The following C12orf42 variants were observed in gnomAD, a reference collection of about 807,000 sequenced individuals.
C12orf42 encodes the protein chromosome 12 open reading frame 42, also known as uncharacterized protein C12orf42.
Under a neutral mutation model 21.6 loss-of-function variants are expected in C12orf42, and 25 were observed. The ratio of observed to expected loss-of-function variants is 1.16; its 90% CI spans 0.84 to 1.62. The LOEUF is 1.62. C12orf42 is among the 40% of genes most tolerant of loss of function. C12orf42 has a pLI of 0.00. For synonymous variants in C12orf42, 174 were observed against 175.0 expected, an observed-to-expected ratio of 0.99 and a Z score of 0.05; for missense variants, 483 against 459.3, an observed-to-expected ratio of 1.05 and a Z score of -0.47.
downstream of C12orf42, among the ~76,000 whole-genome samples, chr12:103,264,243 G>A (rs966981155): frequency 1.4e-5 from 2 of 139,914 alleles, no homozygotes; most frequent in African/African-American, 6.3e-5. Context: ...GATTAGCCTG[G>A]TTTCAGGTCA....
chr12:103,315,089 C>T (rs530098477), intron 4 of C12orf42, among the ~76,000 whole-genome samples: 5 of 152,200 alleles, frequency 3.3e-5, no homozygotes, highest in Admixed American at 6.5e-5. Flanking sequence ...AAACACAACC[C>T]GACATCTAGC....
At chr12:103,400,012 A>C (rs2047865133) in intron 3 of C12orf42, among the ~76,000 whole-genome samples, 2 of 152,314 alleles carry the variant, frequency 1.3e-5, no homozygotes, top group South Asian at 4.1e-4. Context: ...TATATACTAT[A>C]TATAAAACAA....
chr12:103,072,913 A>T, the C12orf42 span, among the ~76,000 whole-genome samples: 1 of 152,202 alleles, frequency 6.6e-6, no homozygotes, highest in Admixed American at 6.6e-5. Flanking sequence ...AATAGCAAAG[A>T]CATGGAATCA....
chr12:103,468,746 T>A (rs1240536561), intron 2 of C12orf42, among the ~76,000 whole-genome samples: 5 of 151,216 alleles, frequency 3.3e-5, no homozygotes, highest in African/African-American at 1.2e-4. Context: ...AACGGGTCGA[T>A]GAATTCACCC....
chr12:103,358,760 T>A (rs1386560741), intron 4 of C12orf42, among the ~76,000 whole-genome samples: 1 of 152,142 alleles, frequency 6.6e-6, no homozygotes, highest in Non-Finnish European at 1.5e-5. Context: ...GTCATTACCA[T>A]CATCAGGTTC....
chr12:103,106,047 C>T, the C12orf42 span, among the ~76,000 whole-genome samples: 9 of 152,096 alleles, frequency 5.9e-5, no homozygotes, highest in Non-Finnish European at 7.4e-5. Flanking sequence ...ACGCTGAAAA[C>T]GGTGAATCCA....
chr12:103,428,180 G>C (rs1196674386), intron 2 of C12orf42, among the ~76,000 whole-genome samples: 1 of 152,146 alleles, frequency 6.6e-6, no homozygotes, highest in African/African-American at 2.4e-5. Flanking sequence ...GAATCCAGGA[G>C]CTGGTTTTTT....
At chr12:103,249,629 C>T (rs563313815) in intron 10 of C12orf42, among the ~76,000 whole-genome samples, 2 of 152,028 alleles carry the variant, frequency 1.3e-5, no homozygotes, top group East Asian at 3.9e-4. Flanking sequence ...CAATTCAATC[C>T]GAGAGAGAAG....
chr12:103,413,142 G>A (rs1311397705), intron 2 of C12orf42, among the ~76,000 whole-genome samples: 1 of 152,128 alleles, frequency 6.6e-6, no homozygotes, highest in Non-Finnish European at 1.5e-5. Context: ...GTACATGGGT[G>A]AAAGCTGGTG....
At chr12:103,149,609 G>A in the C12orf42 span, among the ~76,000 whole-genome samples, 1 of 152,218 alleles carries the variant, frequency 6.6e-6, no homozygotes, top group African/African-American at 2.4e-5. Flanking sequence ...ATGATAGTGA[G>A]TGAGTTCTCA....
At chr12:103,137,566 G>T in the C12orf42 span, among the ~76,000 whole-genome samples, 2 of 152,140 alleles carry the variant, frequency 1.3e-5, no homozygotes, top group African/African-American at 4.8e-5. Context: ...AGAGATACTG[G>T]CATTCCCATG....
chr12:103,116,380 A>AT, the C12orf42 span, among the ~76,000 whole-genome samples: 1,247 of 131,152 alleles, frequency 9.5e-3, 5 homozygotes, highest in Middle Eastern at 0.019. Flanking sequence ...GAAAAAAAAA[A>AT]AATATATATA....
At chr12:103,519,585 G>A in the C12orf42 span, among the ~76,000 whole-genome samples, 1 of 152,010 alleles carries the variant, frequency 6.6e-6, no homozygotes, top group Non-Finnish European at 1.5e-5. Context: ...TTTGGAAAGG[G>A]GGCACAAACC....
At chr12:103,294,421 G>GGAGAGA (rs1555245872) in intron 4 of C12orf42, among the ~76,000 whole-genome samples, 1 of 71,764 alleles carries the variant, frequency 1.4e-5, no homozygotes, top group African/African-American at 6.3e-5. Flanking sequence ...AAGAGAGAAA[G>GGAGAGA]GAGAGAGAGA....
chr12:103,118,283 T>G, the C12orf42 span, among the ~76,000 whole-genome samples: 15 of 152,152 alleles, frequency 9.9e-5, no homozygotes. Context: ...TTAATAAATA[T>G]TTTGAAGAAT....
chr12:103,254,982 T>C (rs2034488767), intron 10 of C12orf42, among the ~76,000 whole-genome samples: 1 of 152,324 alleles, frequency 6.6e-6, no homozygotes, highest in African/African-American at 2.4e-5. Flanking sequence ...ATATGTATTC[T>C]GTAAGTGTTT....
In C12orf42 at chr12:103,306,022, G is replaced by A; in HGVS notation, c.583C>T (p.His195Tyr). The A allele has an allele frequency of 6.2e-7, 1 of 1,613,746 alleles. No homozygotes were observed. The change falls in exon 5 of 6, where the codon CAC becomes TAC. Residue 195 changes from histidine (H) to tyrosine (Y), a missense_variant. His to Tyr is a moderately conservative substitution (Grantham distance 83, BLOSUM62 2). Coordinates refer to ENST00000548883, the MANE Select transcript of C12orf42 (RefSeq NM_198521.5). ...AAGGGCTGGCCCTTAGGTCTTGTGT[G>A]TCTACTGATGTGTATGCCCTGAGCC... ...LEAQGIHISR[H>Y]TRPKGQPLSS...
the C12orf42 span, chr12:103,505,401 T>C: frequency 2.9e-6 from 1 of 341,944 alleles, no homozygotes; most frequent in Non-Finnish European, 5.4e-6. Context: ...CCCATAGTGT[T>C]GGGTTACATT....
At chr12:103,378,364 C>T (rs2045887619) in intron 3 of C12orf42, among the ~76,000 whole-genome samples, 1 of 152,128 alleles carries the variant, frequency 6.6e-6, no homozygotes, top group South Asian at 2.1e-4. Flanking sequence ...ATCCATCCAG[C>T]TTCTTCAAAA....
Sources: gnomAD v4.1 joint callset for allele counts (sites outside exome capture counted in the v4.1 genomes callset) on GRCh38, gnomAD v4.1.1 for gene constraint, MANE v1.5 for transcripts, NCBI Gene and HGNC (gene_info 2026-07-23, HGNC 2026-07-21) for gene names.